Variants in ZSWIM2 observed in about 807,000 individuals in gnomAD.
ZSWIM2 encodes zinc finger SWIM-type containing 2, also known as E3 ubiquitin-protein ligase ZSWIM2.
A neutral mutation model predicts 48.4 loss-of-function variants in ZSWIM2; 38 were observed. That is an observed-to-expected ratio of 0.79 (90% CI 0.61 to 1.03). The LOEUF (loss-of-function observed/expected upper bound fraction) is 1.03. Among genes scored for constraint, ZSWIM2 ranks in the 50% least tolerant of loss-of-function variants. The pLI is 0.00. For synonymous variants in ZSWIM2, 240 were observed against 251.3 expected, an observed-to-expected ratio of 0.96 and a Z score of 0.42; for missense variants, 776 against 730.2, an observed-to-expected ratio of 1.06 and a Z score of -0.72.
rs1014617423 is a variant in ZSWIM2, at chr2:186,827,480, G to T, written c.*504C>A. 3.3e-5 allele frequency among the ~76,000 whole-genome samples: 5 copies of T among 151,812 alleles called. No individual in the cohort carries two copies. The highest frequency in any genetic ancestry group is 2.0e-4 in the Admixed American group (3 of 15,210). On this transcript the variant is annotated 3_prime_UTR_variant, in exon 9 of 9. Coordinates refer to ENST00000295131, the MANE Select transcript of ZSWIM2 (RefSeq NM_182521.3). ...ATAAAACATTAAGACCATTATAAAT[G>T]TGACATAGCTGATAGTATTTCATTT...
At chr2:186,831,611 A>G (rs1175229785) in intron 7 of ZSWIM2, among the ~76,000 whole-genome samples, 1 of 151,924 alleles carries the variant, frequency 6.6e-6, no homozygotes, top group African/African-American at 2.4e-5. Context: ...AATAGCAAAG[A>G]CTTGGAACCA....
chr2:186,839,309 C>T (rs72895306), intron 3 of ZSWIM2, 140 bp from the exon 4 acceptor site: 55,122 of 580,998 alleles, frequency 0.095, 4,288 homozygotes, highest in African/African-American at 0.32. Context: ...GACATTGACC[C>T]CTTCTTTACA....
In ZSWIM2 at chr2:186,848,687, C is replaced by T. The variant is rs1470348467; in HGVS notation, c.165+279G>A. ...GTAATGCCAACCAGGTATTCATACGCCTCTGACATTTTCAAGCCTAAAGAT... is the reference window on the plus strand; with the variant it reads ...GTAATGCCAACCAGGTATTCATACGTCTCTGACATTTTCAAGCCTAAAGAT... On this transcript the variant is annotated intron_variant, in intron 1 of 8. Coordinates refer to ENST00000295131, the MANE Select transcript of ZSWIM2 (RefSeq NM_182521.3). 1.7e-4 allele frequency: 61 copies of T among 355,008 alleles called. No individual in the cohort carries two copies. The Admixed American group carries it at 2.3e-3, about 13-fold the overall frequency. The allele number at this position is 355,008 out of a possible 1,614,324, so 22.0% of individuals were successfully genotyped here.
chr2:186,829,422 G>C (rs1189116683), intron 8 of ZSWIM2, among the ~76,000 whole-genome samples: 2 of 152,066 alleles, frequency 1.3e-5, no homozygotes, highest in African/African-American at 4.8e-5. Context: ...CAAAATATTA[G>C]TATTCTATAA....
At chr2:186,846,810 C>CACACATATATATATATATATATAT (rs1265650832) in intron 2 of ZSWIM2, among the ~76,000 whole-genome samples, 1 of 143,696 alleles carries the variant, frequency 7.0e-6, no homozygotes, top group African/African-American at 2.8e-5. Context: ...CACACACACA[C>CACACATATATATATATATATATAT]ATATATATAT....
intron 7 of ZSWIM2, among the ~76,000 whole-genome samples, chr2:186,832,593 C>T (rs574563522): frequency 1.3e-5 from 2 of 152,122 alleles, no homozygotes; most frequent in South Asian, 4.2e-4. Context: ...CTTTCTTCCC[C>T]CAAAGGCCAA....
chr2:186,846,810 C>CATATATAT (rs36111849), intron 2 of ZSWIM2, among the ~76,000 whole-genome samples: 5 of 143,692 alleles, frequency 3.5e-5, no homozygotes, highest in African/African-American at 8.3e-5. Context: ...CACACACACA[C>CATATATAT]ATATATATAT....
At chr2:186,848,891 A>C (rs759018127) in intron 1 of ZSWIM2, 75 bp downstream of exon 1, 1 of 1,576,264 alleles carries the variant, frequency 6.3e-7, no homozygotes, top group Non-Finnish European at 8.7e-7. Flanking sequence ...GTGGCTACGC[A>C]CATTGGGTAT....
At chr2:186,828,856 T>C in intron 8 of ZSWIM2, 66 bp from the exon 9 acceptor site, 2 of 931,118 alleles carry the variant, frequency 2.1e-6, no homozygotes, top group Non-Finnish European at 2.9e-6. Context: ...TCAAGTAAAT[T>C]TCCCCCAGTT....
chr2:186,837,502 A>G lies in ZSWIM2; in HGVS notation c.547T>C (p.Tyr183His), dbSNP rs148755566. Residue 183 changes from tyrosine to histidine, a missense_variant, in exon 5 of 9, where the codon TAT (tyrosine) becomes CAT (histidine). Physicochemically the swap from Tyr to His is moderately conservative, Grantham distance 83. Coordinates refer to ENST00000295131, the MANE Select transcript of ZSWIM2 (RefSeq NM_182521.3). ...ATGGAAGTGTTTGATGTACTCTGAT[A>G]ATTAGCTAAGATCTTCATGCATTTT... ...HIKCMKILANYQSTSNTSMLK... is the reference protein window; with the variant it reads ...HIKCMKILANHQSTSNTSMLK... 17 of 1,611,852 alleles carry G rather than the reference A, an allele frequency of 1.1e-5. No homozygotes were observed. In the Admixed American group the frequency reaches 2.3e-4, roughly 22 times the overall value.
At chr2:186,846,700 T>A (rs1692008239) in intron 2 of ZSWIM2, among the ~76,000 whole-genome samples, 1 of 151,736 alleles carries the variant, frequency 6.6e-6, no homozygotes, top group Admixed American at 6.6e-5. Context: ...ACAGCACTAT[T>A]CACAACAGCA....
Position 186,828,606 on chromosome 2 carries a change from G to C in ZSWIM2, c.1280C>G (p.Pro427Arg). Reference protein sequence around the residue: ...SKQKEPDLFIPGTGLVLKQNR... With the variant: ...SKQKEPDLFIRGTGLVLKQNR... The stretch of plus-strand genomic sequence containing the variant: ...TTGTTTTAAGACTAATCCAGTACCA[G>C]GAATAAAAAGATCTGGTTCTTTCTG... The change falls in exon 9 of 9, where the codon CCT becomes CGT. Residue 427 changes from proline (P) to arginine (R), a missense_variant. Coordinates refer to ENST00000295131, the MANE Select transcript of ZSWIM2 (RefSeq NM_182521.3). 7 of 1,612,690 alleles carry C rather than the reference G, an allele frequency of 4.3e-6. No homozygotes were observed. The highest frequency in any genetic ancestry group is 5.9e-6 in the Non-Finnish European group (7 of 1,179,358).
chr2:186,832,342 G>A (rs955717388), intron 7 of ZSWIM2, among the ~76,000 whole-genome samples: 9 of 151,646 alleles, frequency 5.9e-5, no homozygotes, highest in South Asian at 2.1e-4. Context: ...GGCTGGTCTC[G>A]AACTTCTGAC....
chr2:186,848,926 G>T (rs1692051945), intron 1 of ZSWIM2, 40 bp downstream of exon 1: 1 of 1,611,712 alleles, frequency 6.2e-7, no homozygotes, highest in Non-Finnish European at 8.5e-7. Flanking sequence ...CTGGTGGGCG[G>T]GGATGATGGC....
Position 186,828,239 on chromosome 2 carries a change from T to A in ZSWIM2, c.1647A>T (p.Lys549Asn). ...TCTTCTTTAGGTTGTGGTTATTACA[T>A]TTACAGCCTTTGGTCATCCGGCTTA... Reference protein sequence around the residue: ...TSLSRMTKGCKCNNHNLKKTP... With the variant: ...TSLSRMTKGCNCNNHNLKKTP... The change falls in exon 9 of 9, where the codon AAA (lysine) becomes AAT (asparagine). Residue 549 changes from lysine (K) to asparagine (N), a missense_variant. Transcript: ENST00000295131. 6.2e-7 allele frequency: 1 copy of A among 1,613,622 alleles called. No individual in the cohort carries two copies. The highest frequency in any genetic ancestry group is 1.7e-4 in the Middle Eastern group (1 of 6,054).
intron 7 of ZSWIM2, among the ~76,000 whole-genome samples, chr2:186,831,620 C>G (rs1559111908): frequency 1.3e-5 from 2 of 151,762 alleles, no homozygotes; most frequent in Admixed American, 6.6e-5. Flanking sequence ...GACTTGGAAC[C>G]AACCCAAATG....
chr2:186,842,652 T>A (rs1279249349), intron 3 of ZSWIM2, among the ~76,000 whole-genome samples: 2 of 151,568 alleles, frequency 1.3e-5, no homozygotes, highest in Admixed American at 6.6e-5. Flanking sequence ...CTAGCTAATA[T>A]GTGGTACAAT....
chr2:186,830,483 AC>A (rs1691678679), intron 7 of ZSWIM2, among the ~76,000 whole-genome samples: 1 of 152,140 alleles, frequency 6.6e-6, no homozygotes, highest in African/African-American at 2.4e-5. Flanking sequence ...CAGACCATAT[AC>A]TCAAATTATA....
At chr2:186,841,028 A>G (rs1691893773) in intron 3 of ZSWIM2, among the ~76,000 whole-genome samples, 1 of 151,584 alleles carries the variant, frequency 6.6e-6, no homozygotes, top group Non-Finnish European at 1.5e-5. Flanking sequence ...AGTTAAAATA[A>G]GAATAAAGCA....
Sources: allele counts gnomAD v4.1 joint callset (sites outside exome capture counted in the v4.1 genomes callset), GRCh38; gene constraint gnomAD v4.1.1; transcripts MANE v1.5; gene names NCBI Gene and HGNC (gene_info 2026-07-23, HGNC 2026-07-21).